The following SSBP2 variants were observed in gnomAD, a reference collection of about 807,000 sequenced individuals.
SSBP2 encodes the protein single-stranded DNA-binding protein 2.
SSBP2 carries 17 observed loss-of-function variants against 61.8 expected under a neutral mutation model. That is an observed-to-expected ratio of 0.28 (90% CI 0.19 to 0.41). SSBP2 has a LOEUF of 0.41. Ranked by LOEUF, SSBP2 falls within the 10% of genes least tolerant of loss-of-function variation. The pLI is 1.00. For missense variants in SSBP2, 310 were observed against 458.7 expected (o/e 0.68, Z 2.96); for synonymous variants, 139 against 141.3 (o/e 0.98, Z 0.12).
At chr5:81,464,044 C>G (rs1402578022) in intron 9 of SSBP2, among the ~76,000 whole-genome samples, 1 of 152,114 alleles carries the variant, frequency 6.6e-6, no homozygotes, top group African/African-American at 2.4e-5. Context: ...GCTGGGATTA[C>G]AGGCATGAGC....
chr5:81,664,655 G>A (rs1189255036), intron 1 of SSBP2, among the ~76,000 whole-genome samples: 5 of 152,022 alleles, frequency 3.3e-5, no homozygotes, highest in East Asian at 1.9e-4. Flanking sequence ...CATACTGTTC[G>A]ACAACATGGA....
Position 81,484,312 on chromosome 5 carries a change from A to G in SSBP2, c.432+4938T>C, listed in dbSNP as rs543861111. On this transcript the variant is annotated intron_variant, in intron 6 of 16. Transcript: ENST00000320672. ...TGTATCATAAAACCTCCATAAAACT[A>G]TAACTTAATTGTATCAAAAACCTTC... is the stretch of plus-strand genomic sequence containing the variant. 2.0e-5 allele frequency among the ~76,000 whole-genome samples: 3 copies of G among 152,306 alleles called. No homozygotes were observed. In the South Asian group the frequency reaches 6.2e-4, roughly 32 times the overall value.
rs576084919 is a variant in SSBP2 at position 81,489,608 on chromosome 5, A to G, written c.373-299T>C. Among the ~76,000 whole-genome samples the G allele has an allele frequency of 4.6e-5, 7 of 152,314 alleles. No homozygotes were observed. The South Asian group carries it at 1.4e-3, about 32-fold the overall frequency. ...AGGCAATAATATCTAGTGGCAAAAA[A>G]TAAGGTAGAGAAGCAGGCAATTTAA... On this transcript the variant is annotated intron_variant, in intron 5 of 16. Coordinates refer to ENST00000320672, the MANE Select transcript of SSBP2 (RefSeq NM_012446.5).
chr5:81,445,999 C>T (rs886948319), intron 12 of SSBP2, among the ~76,000 whole-genome samples: 1 of 152,110 alleles, frequency 6.6e-6, no homozygotes, highest in African/African-American at 2.4e-5. Flanking sequence ...TATATTCTAA[C>T]CTACACCTTA....
At chr5:81,559,305 G>A (rs1772848281) in intron 4 of SSBP2, among the ~76,000 whole-genome samples, 1 of 151,278 alleles carries the variant, frequency 6.6e-6, no homozygotes, top group African/African-American at 2.4e-5. Context: ...GAGAATTGCT[G>A]GAACCCGGGA....
At chr5:81,730,827 T>C (rs1193708536) in intron 1 of SSBP2, among the ~76,000 whole-genome samples, 2 of 152,220 alleles carry the variant, frequency 1.3e-5, no homozygotes, top group East Asian at 1.9e-4. Flanking sequence ...TCATATTGGA[T>C]GAGAGATGAG....
At chr5:81,702,263 C>T (rs1341747017) in intron 1 of SSBP2, among the ~76,000 whole-genome samples, 1 of 152,152 alleles carries the variant, frequency 6.6e-6, no homozygotes, top group Non-Finnish European at 1.5e-5. Flanking sequence ...CCCAGCTACT[C>T]AGGAGGCTGA....
chr5:81,422,126 G>C (rs1761651457), intron 16 of SSBP2, among the ~76,000 whole-genome samples: 1 of 152,112 alleles, frequency 6.6e-6, no homozygotes, highest in African/African-American at 2.4e-5. Flanking sequence ...CCTAGAAAAA[G>C]GCAGATAAAG....
At chr5:81,505,010 C>T (rs187804070) in intron 5 of SSBP2, among the ~76,000 whole-genome samples, 9 of 152,348 alleles carry the variant, frequency 5.9e-5, no homozygotes, top group Admixed American at 5.2e-4. Context: ...CCAGGACTCT[C>T]GTATTAGTAT....
At position 81,420,553 on chromosome 5, in the gene SSBP2, C is replaced by A. The variant is rs1252358485; in HGVS notation, c.1057-20G>T. 1 of 1,606,462 alleles carries A rather than the reference C, an allele frequency of 6.2e-7. No individual in the cohort carries two copies. Among genetic ancestry groups the A allele is most frequent in the Non-Finnish European group, 8.5e-7 (1 of 1,173,256 alleles). ...GGAGTACTAGAAGGAAAGAAGAATC[C>A]ATATTTTAACAACAATTCTTTTAGA... is the stretch of plus-strand genomic sequence containing the variant. On this transcript the variant is annotated intron_variant, in intron 16 of 16. Transcript: ENST00000320672.
chr5:81,665,342 C>T (rs1751024242), intron 1 of SSBP2, among the ~76,000 whole-genome samples: 1 of 152,166 alleles, frequency 6.6e-6, no homozygotes, highest in Non-Finnish European at 1.5e-5. Flanking sequence ...GGTCTAGCTG[C>T]TGCCACACAG....
intron 1 of SSBP2, among the ~76,000 whole-genome samples, chr5:81,705,268 T>C (rs1754288865): frequency 6.6e-6 from 1 of 152,152 alleles, no homozygotes; most frequent in Admixed American, 6.5e-5. Context: ...ACTCCTCTTA[T>C]TAATCTGCAA....
At chr5:81,672,262 GAT>G (rs71000851) in intron 1 of SSBP2, among the ~76,000 whole-genome samples, 33,129 of 151,948 alleles carry the variant, frequency 0.22, 4,084 homozygotes, top group Non-Finnish European at 0.29. Flanking sequence ...TAATTGAAAA[GAT>G]ATTCATCTAC....
chr5:81,575,469 T>C (rs76898798), intron 4 of SSBP2, among the ~76,000 whole-genome samples: 6,372 of 152,156 alleles, frequency 0.042, 445 homozygotes, highest in African/African-American at 0.14. Context: ...ATATCATATG[T>C]TAATAAATCA....
At chr5:81,550,137 C>T (rs975958541) in intron 4 of SSBP2, among the ~76,000 whole-genome samples, 1 of 152,178 alleles carries the variant, frequency 6.6e-6, no homozygotes, top group African/African-American at 2.4e-5. Flanking sequence ...TGCATTTTAA[C>T]CTATGTTGCT....
chr5:81,644,275 G>T (rs1344795000), intron 2 of SSBP2, among the ~76,000 whole-genome samples: 1 of 152,098 alleles, frequency 6.6e-6, no homozygotes, highest in African/African-American at 2.4e-5. Flanking sequence ...TTCTATTTTT[G>T]TTTTTATTTT....
chr5:81,645,178 C>T (rs1450158257), intron 2 of SSBP2, among the ~76,000 whole-genome samples: 1 of 152,248 alleles, frequency 6.6e-6, no homozygotes, highest in East Asian at 1.9e-4. Context: ...AGATGTAGAA[C>T]ATAATTTAAA....
intron 4 of SSBP2, among the ~76,000 whole-genome samples, chr5:81,571,579 A>G (rs1000968160): frequency 2.0e-5 from 3 of 152,108 alleles, no homozygotes; most frequent in African/African-American, 7.2e-5. Flanking sequence ...CCAGATTTGT[A>G]TGTTTTATTT....
At chr5:81,658,189 T>C (rs1458311998) in intron 1 of SSBP2, among the ~76,000 whole-genome samples, 2 of 152,184 alleles carry the variant, frequency 1.3e-5, no homozygotes, top group African/African-American at 2.4e-5. Flanking sequence ...AAATGAACTT[T>C]TGTTATTTTA....
Sources: gnomAD v4.1 joint callset for allele counts (sites outside exome capture counted in the v4.1 genomes callset) on GRCh38, gnomAD v4.1.1 for gene constraint, MANE v1.5 for transcripts, NCBI Gene and HGNC (gene_info 2026-07-23, HGNC 2026-07-21) for gene names.